FAF1: variants seen among roughly 807,000 people sequenced by gnomAD.
FAF1 encodes the protein FAS-associated factor 1.
A neutral mutation model predicts 92.5 loss-of-function variants in FAF1; 25 were observed. The ratio of observed to expected loss-of-function variants is 0.27; its 90% CI spans 0.20 to 0.38. The LOEUF (loss-of-function observed/expected upper bound fraction) is 0.38. Among genes scored for constraint, FAF1 ranks in the 10% least tolerant of loss-of-function variants. The pLI is 1.00. For missense variants in FAF1, 636 were observed against 793.3 expected, an observed-to-expected ratio of 0.80 and a Z score of 2.38; for synonymous variants, 234 against 273.2, an observed-to-expected ratio of 0.86 and a Z score of 1.42.
At position 50,513,186 on chromosome 1, in the gene FAF1, C is replaced by T. The variant is rs187128066; in HGVS notation, c.1495-21385G>A. ...GAAGGCCTCATCTATGTGATAAAAA[C>T]GAATTCTCACTGGCTAGGCATGGTG... On this transcript the variant is annotated intron_variant, in intron 15 of 18. Transcript: ENST00000396153. 1.8e-3 allele frequency among the ~76,000 whole-genome samples: 277 copies of T among 152,230 alleles called. 1 individual carries two copies. Among genetic ancestry groups the T allele is most frequent in the African/African-American group, 6.5e-3 (269 of 41,544 alleles).
intron 8 of FAF1, among the ~76,000 whole-genome samples, chr1:50,599,337 C>T (rs1651985039): frequency 6.6e-6 from 1 of 152,078 alleles, no homozygotes; most frequent in Non-Finnish European, 1.5e-5. Flanking sequence ...GTCTTGAACT[C>T]CTGACCTCAG....
At chr1:50,739,342 G>A (rs146446625) in intron 5 of FAF1, among the ~76,000 whole-genome samples, 12 of 147,794 alleles carry the variant, frequency 8.1e-5, no homozygotes, top group South Asian at 6.3e-4. Flanking sequence ...ACACGTACAT[G>A]CATATACATG....
intron 13 of FAF1, among the ~76,000 whole-genome samples, chr1:50,544,686 T>C (rs1648925884): frequency 6.6e-6 from 1 of 152,076 alleles, no homozygotes; most frequent in South Asian, 2.1e-4. Flanking sequence ...CTGAAAAAAA[T>C]ACTAATAAAT....
intron 2 of FAF1, among the ~76,000 whole-genome samples, chr1:50,836,008 T>A (rs1319860670): frequency 1.3e-5 from 2 of 152,092 alleles, no homozygotes; most frequent in Non-Finnish European, 2.9e-5. Flanking sequence ...CTGGCTATGA[T>A]CTTGGGAATA....
chr1:50,559,940 G>T (rs1178724359), intron 13 of FAF1, among the ~76,000 whole-genome samples: 1 of 152,184 alleles, frequency 6.6e-6, no homozygotes, highest in Non-Finnish European at 1.5e-5. Context: ...AAAATTATAT[G>T]GAAATCTGGC....
At chr1:50,574,469 A>T (rs1572843634) in intron 12 of FAF1, among the ~76,000 whole-genome samples, 1 of 152,156 alleles carries the variant, frequency 6.6e-6, no homozygotes, top group East Asian at 1.9e-4. Flanking sequence ...AGTCTCTTAA[A>T]AGTGCAGGAA....
chr1:50,447,299 G>A (rs1371863850), intron 18 of FAF1, among the ~76,000 whole-genome samples: 1 of 151,744 alleles, frequency 6.6e-6, no homozygotes, highest in African/African-American at 2.4e-5. Flanking sequence ...CTCATTTTTT[G>A]TATTTTTAGT....
At chr1:50,916,037 A>T (rs977736046) in intron 1 of FAF1, among the ~76,000 whole-genome samples, 1 of 152,214 alleles carries the variant, frequency 6.6e-6, no homozygotes, top group African/African-American at 2.4e-5. Flanking sequence ...ATTCCAGCCC[A>T]TGTCCTCTGA....
rs1569871306 is a variant in FAF1, at chr1:50,744,687, G to T, written c.456C>A (p.Asp152Glu). 6.3e-7 allele frequency: 1 copy of T among 1,592,156 alleles called. No individual in the cohort carries two copies. The highest frequency in any genetic ancestry group is 1.3e-5 in the African/African-American group (1 of 74,398). The change falls in exon 5 of 19, where the codon GAC becomes GAA. Residue 152 changes from aspartate (D) to glutamate (E), a missense_variant. Physicochemically the swap from Asp to Glu is conservative, Grantham distance 45. This residue lies in a region of FAF1 where 317 missense variants were observed against 342.4 expected (regional missense o/e 0.93). Coordinates refer to ENST00000396153, the MANE Select transcript of FAF1 (RefSeq NM_007051.3). The part of the protein sequence containing the change: ...LKGWKTGDVE[D>E]STVLKSLHLP... Reference sequence around the variant, plus strand: ...TCTATGCAATTAAGAAACTCACACTGTCTTCCACATCTCCCGTCTTCCAGC... The same window carrying T: ...TCTATGCAATTAAGAAACTCACACTTTCTTCCACATCTCCCGTCTTCCAGC...
At chr1:50,849,085 C>T (rs1227366947) in intron 2 of FAF1, among the ~76,000 whole-genome samples, 1 of 151,784 alleles carries the variant, frequency 6.6e-6, no homozygotes, top group East Asian at 1.9e-4. Context: ...GGTGAAACCC[C>T]GCCTCTACTA....
At chr1:50,870,932 T>C (rs1234335644) in intron 1 of FAF1, among the ~76,000 whole-genome samples, 1 of 152,048 alleles carries the variant, frequency 6.6e-6, no homozygotes, top group Non-Finnish European at 1.5e-5. Flanking sequence ...TAAAGCAAGG[T>C]TTTTTTGCAC....
chr1:50,507,362 G>T (rs1647071592), intron 15 of FAF1, among the ~76,000 whole-genome samples: 1 of 152,194 alleles, frequency 6.6e-6, no homozygotes, highest in African/African-American at 2.4e-5. Context: ...TTCTAAGTTA[G>T]TACCTGGCTG....
chr1:50,945,797 C>T (rs1007417386), intron 1 of FAF1, among the ~76,000 whole-genome samples: 1 of 152,220 alleles, frequency 6.6e-6, no homozygotes, highest in South Asian at 2.1e-4. Flanking sequence ...CGTAGAAATA[C>T]AACAAGTTTC....
In FAF1 at chr1:50,731,465, G is replaced by A. The variant is rs554686892; in HGVS notation, c.551+7398C>T. 1.9e-4 allele frequency among the ~76,000 whole-genome samples: 29 copies of A among 151,728 alleles called. No homozygotes were observed. The South Asian group carries it at 4.8e-3, about 25-fold the overall frequency. ...GCTCACTGCAAGCTCTGCCTCCCAG[G>A]TTCACGCCATTCTCCTGCCTCAGCC... On this transcript the variant is annotated intron_variant, in intron 6 of 18. Transcript: ENST00000396153.
chr1:50,641,949 TC>T (rs1654351589), intron 8 of FAF1, among the ~76,000 whole-genome samples: 1 of 151,988 alleles, frequency 6.6e-6, no homozygotes, highest in Non-Finnish European at 1.5e-5. Context: ...ATGCTTGTAA[TC>T]CTAGCATTTT....
chr1:50,513,762 T>G (rs1328793185), intron 15 of FAF1, among the ~76,000 whole-genome samples: 5 of 152,182 alleles, frequency 3.3e-5, no homozygotes, highest in Non-Finnish European at 1.5e-5. Flanking sequence ...CTCACAACAA[T>G]TAGGCTGGCC....
At chr1:50,621,366 A>G in intron 8 of FAF1, among the ~76,000 whole-genome samples, 1 of 148,126 alleles carries the variant, frequency 6.8e-6, no homozygotes, top group South Asian at 2.2e-4. Context: ...CTTACGGGGA[A>G]GTTAGCCCCG....
At chr1:50,661,162 T>G (rs968824386) in intron 7 of FAF1, among the ~76,000 whole-genome samples, 7 of 152,132 alleles carry the variant, frequency 4.6e-5, no homozygotes, top group African/African-American at 1.4e-4. Flanking sequence ...GGCATTTACT[T>G]TTATTATACT....
chr1:50,783,797 C>T (rs2124566246), intron 4 of FAF1, among the ~76,000 whole-genome samples: 1 of 152,222 alleles, frequency 6.6e-6, no homozygotes, highest in East Asian at 1.9e-4. Context: ...ATCACTTGAA[C>T]CTAGGAGGCG....
Sources: allele counts gnomAD v4.1 joint callset (sites outside exome capture counted in the v4.1 genomes callset), GRCh38; gene constraint gnomAD v4.1.1; regional missense constraint gnomAD v4.1.1; transcripts MANE v1.5; gene names NCBI Gene and HGNC (gene_info 2026-07-23, HGNC 2026-07-21).